The following CHP1 variants were observed in gnomAD, a reference collection of about 807,000 sequenced individuals.
CHP1 encodes calcineurin B homologous protein 1.
Under a neutral mutation model 27.4 loss-of-function variants are expected in CHP1, and 11 were observed. The ratio of observed to expected loss-of-function variants is 0.40; its 90% CI spans 0.25 to 0.67. The LOEUF (loss-of-function observed/expected upper bound fraction) is 0.67, where lower values mean the gene tolerates loss of function less well. CHP1 is among the 30% of genes least tolerant of loss of function. CHP1 has a pLI of 0.38. For missense variants in CHP1, 169 were observed against 251.3 expected, an observed-to-expected ratio of 0.67 and a Z score of 2.22; for synonymous variants, 89 against 87.4, an observed-to-expected ratio of 1.02 and a Z score of -0.10.
chr15:41,274,490 G>T (rs1267827452), intron 5 of CHP1, among the ~76,000 whole-genome samples: 1 of 152,114 alleles, frequency 6.6e-6, no homozygotes, highest in Non-Finnish European at 1.5e-5. Flanking sequence ...TTAGGCTCAA[G>T]TGATCCTCTG....
At chr15:41,259,525 CT>C (rs535457262) in intron 3 of CHP1, among the ~76,000 whole-genome samples, 2,182 of 115,984 alleles carry the variant, frequency 0.019, 38 homozygotes, top group African/African-American at 0.056. Flanking sequence ...CACATTGGGG[CT>C]TTTTTTTTTT....
Position 41,279,737 on chromosome 15 carries a change from T to C in CHP1, c.*348T>C, listed in dbSNP as rs1458914686. On this transcript the variant is annotated 3_prime_UTR_variant, in exon 7 of 7. Coordinates refer to ENST00000334660, the MANE Select transcript of CHP1 (RefSeq NM_007236.5). Reference sequence around the variant, plus strand: ...AAGCCAGCAAAGCTCTTTCACCAGATGTAGACTGTAGCCCTGCTGCCTTCC... The same window carrying C: ...AAGCCAGCAAAGCTCTTTCACCAGACGTAGACTGTAGCCCTGCTGCCTTCC... 1 of 233,822 alleles carries C rather than the reference T, an allele frequency of 4.3e-6. No homozygotes were observed. Among genetic ancestry groups the C allele is most frequent in the Admixed American group, 5.5e-5 (1 of 18,080 alleles). 14.5% of individuals were successfully genotyped at this position (233,822 alleles called of 1,614,324 possible). A position where few individuals can be genotyped will look rare whatever the true frequency, so the allele number is the denominator to read the frequency against.
At chr15:41,247,021 A>G (rs1016748255) in intron 2 of CHP1, among the ~76,000 whole-genome samples, 1 of 151,462 alleles carries the variant, frequency 6.6e-6, no homozygotes, top group African/African-American at 2.4e-5. Context: ...TCTCAAAAAA[A>G]AAAAAAAAAT....
chr15:41,248,304 A>G (rs1436517050), intron 2 of CHP1, among the ~76,000 whole-genome samples: 1 of 152,106 alleles, frequency 6.6e-6, no homozygotes, highest in Non-Finnish European at 1.5e-5. Flanking sequence ...ATGCATCACT[A>G]TGCCTGGCTA....
intron 1 of CHP1, among the ~76,000 whole-genome samples, chr15:41,240,051 C>T (rs1411989991): frequency 2.0e-5 from 3 of 152,040 alleles, no homozygotes; most frequent in East Asian, 3.9e-4. Flanking sequence ...GCTGGGATTA[C>T]AGCTGGGATT....
At chr15:41,232,659 C>T (rs922753745) in intron 1 of CHP1, among the ~76,000 whole-genome samples, 1 of 152,080 alleles carries the variant, frequency 6.6e-6, no homozygotes, top group Admixed American at 6.6e-5. Flanking sequence ...TGTATTGATG[C>T]ATACAATATT....
At chr15:41,271,301 G>T (rs1365085493) in intron 5 of CHP1, among the ~76,000 whole-genome samples, 3 of 149,498 alleles carry the variant, frequency 2.0e-5, no homozygotes, top group African/African-American at 7.4e-5. Context: ...GGTGGTGGGT[G>T]CCTGTAATCC....
intron 2 of CHP1, among the ~76,000 whole-genome samples, chr15:41,249,280 G>A (rs144612978): frequency 7.8e-4 from 119 of 151,966 alleles, no homozygotes; most frequent in African/African-American, 2.8e-3. Flanking sequence ...TCAGCCTCCT[G>A]AGTAGCTGGG....
At chr15:41,265,359 G>T (rs2047454718) in intron 4 of CHP1, among the ~76,000 whole-genome samples, 2 of 78,858 alleles carry the variant, frequency 2.5e-5, no homozygotes, top group South Asian at 1.1e-3. Context: ...GCGAGACTCT[G>T]TCTCAAAAAA....
At chr15:41,250,822 T>C (rs2047362780) in intron 2 of CHP1, among the ~76,000 whole-genome samples, 1 of 150,994 alleles carries the variant, frequency 6.6e-6, no homozygotes, top group Non-Finnish European at 1.5e-5. Context: ...TTTAAGACTT[T>C]CTTTCTTTCT....
At chr15:41,241,006 C>G (rs1377013204) in intron 1 of CHP1, among the ~76,000 whole-genome samples, 2 of 152,044 alleles carry the variant, frequency 1.3e-5, no homozygotes, top group African/African-American at 2.4e-5. Flanking sequence ...GCAGACGCCA[C>G]CACACCCAGC....
rs1176410752 is a variant in CHP1, at chr15:41,237,881, TG to T, written c.68-5785del. 2.0e-5 allele frequency among the ~76,000 whole-genome samples: 3 copies of T among 152,236 alleles called. No individual in the cohort carries two copies. In the East Asian group the frequency reaches 5.8e-4, roughly 29 times the overall value. On this transcript the variant is annotated intron_variant, in intron 1 of 6. Transcript: ENST00000334660. The stretch of plus-strand genomic sequence containing the variant: ...CGTGCCACCATGCCCGGCTAATTTT[TG>T]TATTTTTAGTAGAGATGGGGTTTCC...
At chr15:41,255,915 G>A (rs2047398177) in intron 2 of CHP1, among the ~76,000 whole-genome samples, 1 of 152,092 alleles carries the variant, frequency 6.6e-6, no homozygotes. Flanking sequence ...TACTTGGGAG[G>A]CTGAGGCAGG....
chr15:41,240,496 G>A (rs1209777738), intron 1 of CHP1, among the ~76,000 whole-genome samples: 2 of 152,176 alleles, frequency 1.3e-5, no homozygotes, highest in Admixed American at 6.5e-5. Context: ...GCTCATGCCT[G>A]TAATCCCAGC....
At chr15:41,257,094 AC>A (rs954741300) in intron 3 of CHP1, 104 bp downstream of exon 3, 10 of 800,052 alleles carry the variant, frequency 1.2e-5, no homozygotes, top group African/African-American at 3.7e-5. Context: ...AGACTGTGAT[AC>A]CCCCTGATTA....
At chr15:41,232,208 ATTTTT>A (rs541011609) in intron 1 of CHP1, among the ~76,000 whole-genome samples, 2 of 131,644 alleles carry the variant, frequency 1.5e-5, no homozygotes, top group African/African-American at 3.0e-5. Context: ...CTAGGAACTG[ATTTTT>A]TTTTTTTTTT....
At position 41,279,674 on chromosome 15, in the gene CHP1, C is replaced by T. The variant is rs1041260501; in HGVS notation, c.*285C>T. ...TGCTGCTGAATGCCACACATCCATC[C>T]AGTCTGAGAAAGTGAGAGAGGCAAT... is the stretch of plus-strand genomic sequence containing the variant. On this transcript the variant is annotated 3_prime_UTR_variant, in exon 7 of 7. Coordinates refer to ENST00000334660, the MANE Select transcript of CHP1 (RefSeq NM_007236.5). The T allele has an allele frequency of 1.4e-5, 5 of 354,034 alleles. No homozygotes were observed. Among genetic ancestry groups the T allele is most frequent in the Admixed American group, 4.5e-5 (1 of 22,132 alleles). 21.9% of individuals were successfully genotyped at this position (354,034 alleles called of 1,614,324 possible).
intron 5 of CHP1, among the ~76,000 whole-genome samples, chr15:41,274,248 C>A (rs1337446100): frequency 6.6e-6 from 1 of 152,148 alleles, no homozygotes. Context: ...CATGAGCCAC[C>A]GCACCTGGCC....
chr15:41,252,857 G>T (rs955625232), intron 2 of CHP1, among the ~76,000 whole-genome samples: 1 of 149,880 alleles, frequency 6.7e-6, no homozygotes, highest in African/African-American at 2.5e-5. Flanking sequence ...GTTTTCCTAG[G>T]TATACCATGA....
Sources: allele counts gnomAD v4.1 joint callset (sites outside exome capture counted in the v4.1 genomes callset), GRCh38; gene constraint gnomAD v4.1.1; transcripts MANE v1.5; gene names NCBI Gene and HGNC (gene_info 2026-07-23, HGNC 2026-07-21).